The following MED13 variants were observed in gnomAD, a reference collection of about 807,000 sequenced individuals.
MED13 encodes mediator complex subunit 13.
MED13 carries 23 observed loss-of-function variants against 225.2 expected under a neutral mutation model. The observed-to-expected ratio is 0.10, with a 90% CI of 0.07 to 0.14. MED13 has a LOEUF of 0.14. Among genes scored for constraint, MED13 ranks in the 10% least tolerant of loss-of-function variants. The pLI, the probability that MED13 is intolerant of heterozygous loss-of-function variation, is 1.00. For synonymous variants in MED13, 942 were observed against 889.2 expected (o/e 1.06, Z -1.06); for missense variants, 2,197 against 2,594.5 (o/e 0.85, Z 3.33).
At chr17:62,003,114 A>G (rs1282412745) in intron 9 of MED13, among the ~76,000 whole-genome samples, 2 of 152,218 alleles carry the variant, frequency 1.3e-5, no homozygotes, top group East Asian at 1.9e-4. Context: ...ACACAGAACA[A>G]TAATTCCAGG....
At chr17:62,047,200 G>A (rs1290659498) in intron 3 of MED13, among the ~76,000 whole-genome samples, 2 of 151,946 alleles carry the variant, frequency 1.3e-5, no homozygotes, top group Non-Finnish European at 2.9e-5. Flanking sequence ...GTGAAACCCC[G>A]TCTCTACTAA....
intron 24 of MED13, 103 bp downstream of exon 24, chr17:61,956,236 T>C (rs535153705): frequency 1.7e-6 from 2 of 1,147,490 alleles, no homozygotes; most frequent in African/African-American, 1.6e-5. Context: ...CCTTATTTGA[T>C]AACCTTTGCA....
chr17:61,960,525 A>C (rs2079989502), intron 23 of MED13, among the ~76,000 whole-genome samples: 1 of 152,178 alleles, frequency 6.6e-6, no homozygotes, highest in Non-Finnish European at 1.5e-5. Flanking sequence ...TATATCTTAG[A>C]TGGTACATGA....
chr17:62,052,804 T>C (rs2143760356), intron 2 of MED13, 99 bp from the exon 3 acceptor site: 2 of 732,426 alleles, frequency 2.7e-6, no homozygotes, highest in Admixed American at 6.3e-5. Context: ...TCATCAACAC[T>C]AGCTTACCCC....
At chr17:62,012,669 A>G (rs2080523005) in intron 8 of MED13, among the ~76,000 whole-genome samples, 1 of 152,000 alleles carries the variant, frequency 6.6e-6, no homozygotes, top group African/African-American at 2.4e-5. Flanking sequence ...GAGTTTACAC[A>G]TTCAGTATTC....
At chr17:62,041,295 CAT>C (rs1331288555) in intron 3 of MED13, among the ~76,000 whole-genome samples, 1 of 152,188 alleles carries the variant, frequency 6.6e-6, no homozygotes, top group Non-Finnish European at 1.5e-5. Flanking sequence ...ACAAATACTA[CAT>C]GATTCCACTC....
Position 61,965,403 on chromosome 17 carries a change from T to G in MED13, c.4447A>C (p.Thr1483Pro). 6.2e-7 allele frequency: 1 copy of G among 1,614,122 alleles called. No individual in the cohort carries two copies. Among genetic ancestry groups the G allele is most frequent in the Non-Finnish European group, 8.5e-7 (1 of 1,179,994 alleles). ...GGTGGAGTAATCAAAGACTGACTTG[T>G]AGGGGCAACTAAATTTGGCTGGGAA... is the stretch of plus-strand genomic sequence containing the variant. Reference protein sequence around the residue: ...LLSQPNLVAPTSQSLITPPQM... With the variant: ...LLSQPNLVAPPSQSLITPPQM... Residue 1483 changes from threonine (T) to proline (P), a missense_variant, in exon 20 of 30, where the codon ACA becomes CCA. Physicochemically the swap from Thr to Pro is conservative, Grantham distance 38. This residue lies in a region of MED13 where 457 missense variants were observed against 442.2 expected (regional missense o/e 1.03). Coordinates refer to ENST00000397786, the MANE Select transcript of MED13 (RefSeq NM_005121.3).
At chr17:61,983,860 C>T (rs1166736966) in intron 15 of MED13, among the ~76,000 whole-genome samples, 1 of 151,744 alleles carries the variant, frequency 6.6e-6, no homozygotes, top group Non-Finnish European at 1.5e-5. Flanking sequence ...TCCCAAGTAG[C>T]TGGGACTACA....
chr17:61,993,920 A>C (rs1376091023), intron 10 of MED13, among the ~76,000 whole-genome samples: 1 of 147,752 alleles, frequency 6.8e-6, no homozygotes, highest in Non-Finnish European at 1.5e-5. Flanking sequence ...AACAAGAGCG[A>C]AACTCCGTCT....
chr17:62,033,330 T>TC (rs1345445969), intron 5 of MED13, among the ~76,000 whole-genome samples: 2 of 152,224 alleles, frequency 1.3e-5, no homozygotes, highest in Non-Finnish European at 2.9e-5. Flanking sequence ...TGTCAACTTT[T>TC]CAGCCTCCAA....
At chr17:61,964,469 G>A (rs987017802) in intron 20 of MED13, among the ~76,000 whole-genome samples, 1 of 152,140 alleles carries the variant, frequency 6.6e-6, no homozygotes, top group South Asian at 2.1e-4. Flanking sequence ...GGAGGCTGAG[G>A]TGGGAGGATC....
intron 19 of MED13, among the ~76,000 whole-genome samples, chr17:61,965,727 A>C (rs1002184622): frequency 3.9e-5 from 6 of 152,230 alleles, no homozygotes; most frequent in Non-Finnish European, 5.9e-5. Context: ...GTGTAACAAA[A>C]TTCTATTTTC....
intron 8 of MED13, among the ~76,000 whole-genome samples, chr17:62,022,173 A>AT (rs201432288): frequency 0.1 from 10,983 of 106,604 alleles, 577 homozygotes; most frequent in Non-Finnish European, 0.14. Flanking sequence ...CTCAAAAAAA[A>AT]AATATATATA....
At chr17:61,958,646 T>C (rs1423717414) in intron 23 of MED13, among the ~76,000 whole-genome samples, 1 of 152,124 alleles carries the variant, frequency 6.6e-6, no homozygotes, top group African/African-American at 2.4e-5. Flanking sequence ...CTAATTTTTG[T>C]ATTTTTAGTA....
At position 62,031,428 on chromosome 17, in the gene MED13, C is replaced by T; in HGVS notation, c.1009+16G>A. 3 of 1,548,484 alleles carry T rather than the reference C, an allele frequency of 1.9e-6. No homozygotes were observed. Among genetic ancestry groups the T allele is most frequent in the Non-Finnish European group, 2.6e-6 (3 of 1,146,232 alleles). On this transcript the variant is annotated intron_variant, in intron 6 of 29. Coordinates refer to ENST00000397786, the MANE Select transcript of MED13 (RefSeq NM_005121.3). ...TAACAAATTACCAGAGCTGATGAGACAAATTACTGCTATACCTGTTTGGAC... is the reference window on the plus strand; with the variant it reads ...TAACAAATTACCAGAGCTGATGAGATAAATTACTGCTATACCTGTTTGGAC...
At chr17:62,027,937 A>C (rs971178395) in intron 8 of MED13, among the ~76,000 whole-genome samples, 9 of 152,200 alleles carry the variant, frequency 5.9e-5, no homozygotes, top group African/African-American at 2.2e-4. Context: ...GAGGTTGAGA[A>C]GGAAACATTT....
rs79157956 is a variant in MED13 at position 61,995,755 on chromosome 17, A to G, written c.1968-390T>C. 7.4e-3 allele frequency among the ~76,000 whole-genome samples: 1,121 copies of G among 152,330 alleles called. 15 individuals carry two copies. The highest frequency in any genetic ancestry group is 0.026 in the African/African-American group (1,078 of 41,568). On this transcript the variant is annotated intron_variant, in intron 9 of 29. Transcript: ENST00000397786. ...AGTGGGAGCTTTATAAAAGTGAGTA[A>G]AATACTTTTAAACAATTTATACATT...
chr17:62,015,610 G>A (rs1212052143), intron 8 of MED13, among the ~76,000 whole-genome samples: 1 of 151,320 alleles, frequency 6.6e-6, no homozygotes, highest in Non-Finnish European at 1.5e-5. Context: ...GTCTCGCTCT[G>A]TTGCCCAGGC....
intron 3 of MED13, among the ~76,000 whole-genome samples, chr17:62,049,068 GT>G: frequency 1.7e-5 from 1 of 59,478 alleles, no homozygotes; most frequent in Non-Finnish European, 2.7e-5. Flanking sequence ...CACCATAACA[GT>G]AAATAAGACA....
Sources: gnomAD v4.1 joint callset for allele counts (sites outside exome capture counted in the v4.1 genomes callset) on GRCh38, gnomAD v4.1.1 for gene constraint, gnomAD v4.1.1 regional missense constraint, MANE v1.5 for transcripts, NCBI Gene and HGNC (gene_info 2026-07-23, HGNC 2026-07-21) for gene names.